GEN1: variants seen among roughly 807,000 people sequenced by gnomAD.
The protein encoded by GEN1 is GEN1 structure-specific endonuclease.
In GEN1, 64 loss-of-function variants were observed where a neutral mutation model predicts 67.6. The ratio of observed to expected loss-of-function variants is 0.95; its 90% CI spans 0.77 to 1.17. The LOEUF (loss-of-function observed/expected upper bound fraction) is 1.17, where lower values mean the gene tolerates loss of function less well. GEN1 is among the 50% of genes most tolerant of loss of function. The pLI is 0.00. For synonymous variants in GEN1, 371 were observed against 359.4 expected, an observed-to-expected ratio of 1.03 and a Z score of -0.37; for missense variants, 1,058 against 1,048.3, an observed-to-expected ratio of 1.01 and a Z score of -0.13.
chr2:17,757,486 T>G (rs1671487115), intron 1 of GEN1, among the ~76,000 whole-genome samples: 1 of 152,116 alleles, frequency 6.6e-6, no homozygotes, highest in Admixed American at 6.6e-5. Context: ...ATCACTGCAC[T>G]AGGTGGCAAT....
Position 17,778,019 on chromosome 2 carries a change from T to C in GEN1, c.1220T>C (p.Ile407Thr). 1 of 1,594,438 alleles carries C rather than the reference T, an allele frequency of 6.3e-7. No homozygotes were observed. The highest frequency in any genetic ancestry group is 8.6e-7 in the Non-Finnish European group (1 of 1,163,926). Residue 407 changes from isoleucine to threonine, a missense_variant, in exon 12 of 14, where the codon ATC (isoleucine) becomes ACC (threonine). Ile to Thr is a moderately conservative substitution (Grantham distance 89). Transcript: ENST00000381254. The stretch of plus-strand genomic sequence containing the variant: ...TTTTTCAGAATTGTTAAGACTCGAA[T>C]CAGAAATGGAGTTCATTGTTTTGAA... ...LQPIRIVKTR[I>T]RNGVHCFEIE...
At chr2:17,770,992 G>A in intron 6 of GEN1, 1 of 628,400 alleles carries the variant, frequency 1.6e-6, no homozygotes, top group East Asian at 3.2e-5. Context: ...CTCCTGTCTT[G>A]CAGTTCTGCT....
Position 17,772,648 on chromosome 2 carries a change from C to T in GEN1, c.817C>T (p.His273Tyr), listed in dbSNP as rs747287864. ...TCTCCATAAAGGTTCACCTAAGGATCATGAACGTAATGGATGCAGATTATG... is the reference window on the plus strand; with the variant it reads ...TCTCCATAAAGGTTCACCTAAGGATTATGAACGTAATGGATGCAGATTATG... Reference protein sequence around the residue: ...VCSHPGSPKDHERNGCRLCKS... With the variant: ...VCSHPGSPKDYERNGCRLCKS... The change falls in exon 8 of 14, where the codon CAT (histidine) becomes TAT (tyrosine). Residue 273 changes from histidine (H) to tyrosine (Y), a missense_variant. Coordinates refer to ENST00000381254, the MANE Select transcript of GEN1 (RefSeq NM_001130009.3). 6.2e-7 allele frequency: 1 copy of T among 1,609,936 alleles called. No homozygotes were observed. Among genetic ancestry groups the T allele is most frequent in the East Asian group, 2.2e-5 (1 of 44,782 alleles).
chr2:17,775,104 T>G (rs1244680236), intron 11 of GEN1, among the ~76,000 whole-genome samples: 2 of 152,212 alleles, frequency 1.3e-5, no homozygotes, highest in South Asian at 2.1e-4. Flanking sequence ...TAAAACAGTC[T>G]GACAGGTTTT....
chr2:17,772,231 A>G (rs1672223732), intron 7 of GEN1, among the ~76,000 whole-genome samples: 1 of 152,086 alleles, frequency 6.6e-6, no homozygotes, highest in Non-Finnish European at 1.5e-5. Flanking sequence ...ACACTCGTTA[A>G]AGAAACTATT....
chr2:17,777,461 CAGGCAGA>C (rs1233484098), intron 11 of GEN1, among the ~76,000 whole-genome samples: 1 of 152,044 alleles, frequency 6.6e-6, no homozygotes, highest in Non-Finnish European at 1.5e-5. Flanking sequence ...CAAAATAATA[CAGGCAGA>C]AGGAAGATGG....
intron 11 of GEN1, 82 bp downstream of exon 11, chr2:17,774,483 C>A: frequency 8.4e-7 from 1 of 1,196,982 alleles, no homozygotes; most frequent in Non-Finnish European, 1.1e-6. Context: ...TCTTTAAGCT[C>A]GTTTTTGTAA....
Position 17,784,788 on chromosome 2 carries a change from G to A in GEN1, c.*2849G>A, listed in dbSNP as rs1434678964. 6.6e-6 allele frequency: 1 copy of A among 152,168 alleles called. No individual in the cohort carries two copies. The highest frequency in any genetic ancestry group is 1.5e-5 in the Non-Finnish European group (1 of 68,038). The allele number at this position is 152,168 out of a possible 1,614,324, so 9.4% of individuals were successfully genotyped here. ...GATAGTTCAGGACCATCTAGACCAG[G>A]TAAATAAAATATCTAGAGGCATTCT... On this transcript the variant is annotated 3_prime_UTR_variant, in exon 14 of 14. Coordinates refer to ENST00000381254, the MANE Select transcript of GEN1 (RefSeq NM_001130009.3).
rs1673118503 is a variant in GEN1 at position 17,788,206 on chromosome 2, T to C, written c.*6267T>C. On this transcript the variant is annotated 3_prime_UTR_variant, in exon 14 of 14. Coordinates refer to ENST00000381254, the MANE Select transcript of GEN1 (RefSeq NM_001130009.3). ...TGAAGGCAGCCTCCTTTCATCTATA[T>C]ATTAACGTGGCAATGTTTATCACCT... The C allele has an allele frequency of 6.6e-6, 1 of 152,218 alleles. No individual in the cohort carries two copies. Among genetic ancestry groups the C allele is most frequent in the African/African-American group, 2.4e-5 (1 of 41,458 alleles). 9.4% of individuals were successfully genotyped at this position (152,218 alleles called of 1,614,324 possible). A position where few individuals can be genotyped will look rare whatever the true frequency, so the allele number is the denominator to read the frequency against.
In GEN1 at chr2:17,765,007, C is replaced by G. The variant is rs530995407; in HGVS notation, c.459C>G (p.Thr153=). 3.7e-5 allele frequency: 59 copies of G among 1,614,138 alleles called. 1 individual carries two copies. In the South Asian group the frequency reaches 6.3e-4, roughly 17 times the overall value. Residue 153 remains threonine, a synonymous_variant, in exon 4 of 14, where the codon ACC becomes ACG. Coordinates refer to ENST00000381254, the MANE Select transcript of GEN1 (RefSeq NM_001130009.3). ...GTGGTCATGTCGATGGCTGCCTCAC[C>G]AATGATGGAGATACTTTCCTTTATG... is the stretch of plus-strand genomic sequence containing the variant. ...NAGGHVDGCL[T]NDGDTFLYGA...
chr2:17,779,879 C>T, intron 12 of GEN1, 99 bp from the exon 13 acceptor site: 1 of 980,932 alleles, frequency 1.0e-6, no homozygotes, highest in Non-Finnish European at 1.5e-6. Context: ...CTTGGCCTCC[C>T]AAAATGCTGG....
intron 3 of GEN1, among the ~76,000 whole-genome samples, chr2:17,764,385 AATT>A (rs1465567887): frequency 6.6e-6 from 1 of 151,492 alleles, no homozygotes; most frequent in Non-Finnish European, 1.5e-5. Flanking sequence ...TAATATGATT[AATT>A]ATTATTTAAA....
intron 4 of GEN1, among the ~76,000 whole-genome samples, chr2:17,765,509 A>T (rs1671887379): frequency 6.6e-6 from 1 of 152,208 alleles, no homozygotes; most frequent in African/African-American, 2.4e-5. Context: ...TAAATCCTTC[A>T]CACTTACTGG....
chr2:17,777,968 CA>C, intron 11 of GEN1, 33 bp from the exon 12 acceptor site: 1 of 1,179,960 alleles, frequency 8.5e-7, no homozygotes, highest in Non-Finnish European at 1.3e-6. Context: ...ATATCTTATG[CA>C]ATTAGACTTC....
Position 17,764,877 on chromosome 2 carries a change from C to T in GEN1, c.349-20C>T, listed in dbSNP as rs1357718441. 1 of 1,605,092 alleles carries T rather than the reference C, an allele frequency of 6.2e-7. No homozygotes were observed. The highest frequency in any genetic ancestry group is 8.5e-7 in the Non-Finnish European group (1 of 1,176,032). On this transcript the variant is annotated intron_variant, in intron 3 of 13. Coordinates refer to ENST00000381254, the MANE Select transcript of GEN1 (RefSeq NM_001130009.3). ...AGTGAAAACATTCTTTAACATCTTGCACCTGCTTTTTGTTTTCAGTGCCTC... is the reference window on the plus strand; with the variant it reads ...AGTGAAAACATTCTTTAACATCTTGTACCTGCTTTTTGTTTTCAGTGCCTC...
Position 17,780,682 on chromosome 2 carries a change from C to G in GEN1, c.1470C>G (p.His490Gln). 6.2e-7 allele frequency: 1 copy of G among 1,613,462 alleles called. No individual in the cohort carries two copies. The highest frequency in any genetic ancestry group is 1.3e-5 in the African/African-American group (1 of 75,038). Residue 490 changes from histidine (H) to glutamine (Q), a missense_variant, in exon 14 of 14, where the codon CAC becomes CAG. By Grantham distance (24) the His-to-Gln change is conservative. Transcript: ENST00000381254. ...ATGAAGTAATGAGCTTTCAGTCACA[C>G]ATGACTTTAAAACCCACATGTGAAA... ...EPDEVMSFQS[H>Q]MTLKPTCEIF...
At chr2:17,779,193 G>A (rs1326451632) in intron 12 of GEN1, among the ~76,000 whole-genome samples, 2 of 152,162 alleles carry the variant, frequency 1.3e-5, no homozygotes, top group East Asian at 3.9e-4. Context: ...AAAGTGCTGG[G>A]ATTACAGGCG....
At chr2:17,757,237 A>G (rs1671470834) in intron 1 of GEN1, among the ~76,000 whole-genome samples, 1 of 149,230 alleles carries the variant, frequency 6.7e-6, no homozygotes, top group South Asian at 2.1e-4. Flanking sequence ...TAATCGAATC[A>G]GTGCTGGACT....
Position 17,778,219 on chromosome 2 carries a change from T to C in GEN1, c.1264+156T>C, listed in dbSNP as rs536232629. 9.7e-5 allele frequency among the ~76,000 whole-genome samples: 12 copies of C among 123,092 alleles called. No homozygotes were observed. In the Admixed American group the frequency reaches 1.3e-3, roughly 13 times the overall value. 80.8% of individuals were successfully genotyped at this position (123,092 alleles called of 152,430 possible). A position where few individuals can be genotyped will look rare whatever the true frequency, so the allele number is the denominator to read the frequency against. ...ACACATATATGTGTATATATATGTA[T>C]ACACACACATATATGTGTGTACATA... is the stretch of plus-strand genomic sequence containing the variant. On this transcript the variant is annotated intron_variant, in intron 12 of 13. Transcript: ENST00000381254.
Sources: allele counts gnomAD v4.1 joint callset (sites outside exome capture counted in the v4.1 genomes callset), GRCh38; gene constraint gnomAD v4.1.1; transcripts MANE v1.5; gene names NCBI Gene and HGNC (gene_info 2026-07-23, HGNC 2026-07-21).